The following HSD17B4 variants were observed in gnomAD, a reference collection of about 807,000 sequenced individuals.
HSD17B4 encodes the protein hydroxysteroid 17-beta dehydrogenase 4, also known as peroxisomal multifunctional enzyme type 2.
Under a neutral mutation model 101.0 loss-of-function variants are expected in HSD17B4, and 70 were observed. The observed-to-expected ratio is 0.69, with a 90% confidence interval of 0.57 to 0.85. The LOEUF (loss-of-function observed/expected upper bound fraction) is 0.85, where lower values mean the gene tolerates loss of function less well. Among genes scored for constraint, HSD17B4 ranks in the 40% least tolerant of loss-of-function variants. The pLI, the probability that HSD17B4 is intolerant of heterozygous loss-of-function variation, is 0.00. For missense variants in HSD17B4, 984 were observed against 892.4 expected, an observed-to-expected ratio of 1.10 and a Z score of -1.31; for synonymous variants, 347 against 297.1, an observed-to-expected ratio of 1.17 and a Z score of -1.73.
chr5:119,482,008 A>G (rs1749185474), intron 8 of HSD17B4, among the ~76,000 whole-genome samples: 1 of 151,828 alleles, frequency 6.6e-6, no homozygotes, highest in African/African-American at 2.4e-5. Flanking sequence ...TTTGATATTT[A>G]TGCTGCCTGG....
intron 17 of HSD17B4, among the ~76,000 whole-genome samples, chr5:119,515,446 G>A (rs1029777101): frequency 2.0e-5 from 3 of 152,232 alleles, no homozygotes; most frequent in South Asian, 2.1e-4. Flanking sequence ...GGGAAAGAAA[G>A]CAATGCCACA....
chr5:119,510,280 A>T (rs1752052384), intron 16 of HSD17B4, among the ~76,000 whole-genome samples: 1 of 152,352 alleles, frequency 6.6e-6, no homozygotes, highest in African/African-American at 2.4e-5. Context: ...AGAAAAATTG[A>T]ACACAAGTGA....
intron 8 of HSD17B4, among the ~76,000 whole-genome samples, chr5:119,485,501 A>G (rs1429258580): frequency 2.0e-5 from 3 of 152,106 alleles, no homozygotes; most frequent in Non-Finnish European, 4.4e-5. Flanking sequence ...TTTTGGGACT[A>G]TTATTTCTAG....
intron 2 of HSD17B4, among the ~76,000 whole-genome samples, chr5:119,459,074 G>A (rs1471161935): frequency 2.0e-5 from 3 of 152,180 alleles, no homozygotes; most frequent in East Asian, 1.9e-4. Context: ...TGACTTTTCC[G>A]TGCTACAGTT....
intron 2 of HSD17B4, among the ~76,000 whole-genome samples, chr5:119,466,710 G>A (rs1418354470): frequency 2.0e-5 from 3 of 151,742 alleles, no homozygotes; most frequent in Admixed American, 6.6e-5. Flanking sequence ...TGAATTGTCA[G>A]TTTTGTTTAT....
intron 2 of HSD17B4, among the ~76,000 whole-genome samples, chr5:119,469,229 C>G (rs927589590): frequency 2.0e-5 from 3 of 149,168 alleles, no homozygotes; most frequent in African/African-American, 7.4e-5. Flanking sequence ...CGTAGATTTT[C>G]TTCTATTTAG....
At chr5:119,453,576 C>G (rs982716593) in intron 1 of HSD17B4, among the ~76,000 whole-genome samples, 1 of 152,166 alleles carries the variant, frequency 6.6e-6, no homozygotes, top group Non-Finnish European at 1.5e-5. Flanking sequence ...TACCTTATAC[C>G]TGGAAAGGCC....
intron 16 of HSD17B4, chr5:119,509,453 G>A (rs775208778): frequency 2.9e-6 from 2 of 683,758 alleles, no homozygotes; most frequent in Non-Finnish European, 5.3e-6. Context: ...AGGATGATGA[G>A]GATGAAGACC....
At chr5:119,475,037 A>G (rs555842294) in intron 4 of HSD17B4, among the ~76,000 whole-genome samples, 1 of 152,246 alleles carries the variant, frequency 6.6e-6, no homozygotes, top group Non-Finnish European at 1.5e-5. Flanking sequence ...TTACAATCTG[A>G]AAAACATTAC....
chr5:119,459,312 CA>C (rs1754980011), intron 2 of HSD17B4, among the ~76,000 whole-genome samples: 1 of 152,052 alleles, frequency 6.6e-6, no homozygotes, highest in Non-Finnish European at 1.5e-5. Context: ...GGGTAAATGA[CA>C]AAAAATTAAA....
chr5:119,492,476 G>C (rs1750200145), intron 10 of HSD17B4: 1 of 234,660 alleles, frequency 4.3e-6, no homozygotes, highest in African/African-American at 2.2e-5. Context: ...AGAGAAGTGA[G>C]TGGGAGGGAG....
At chr5:119,462,457 A>G (rs1755358572) in intron 2 of HSD17B4, among the ~76,000 whole-genome samples, 1 of 151,916 alleles carries the variant, frequency 6.6e-6, no homozygotes, top group Non-Finnish European at 1.5e-5. Context: ...CTGTGAAAGT[A>G]GGAACAATTG....
At chr5:119,521,096 C>T (rs1580684989) in intron 17 of HSD17B4, among the ~76,000 whole-genome samples, 2 of 152,322 alleles carry the variant, frequency 1.3e-5, no homozygotes, top group Non-Finnish European at 1.5e-5. Flanking sequence ...TTCCCAAGAA[C>T]GGCTCCTGTG....
At chr5:119,518,611 G>T (rs1752853261) in intron 17 of HSD17B4, among the ~76,000 whole-genome samples, 1 of 152,164 alleles carries the variant, frequency 6.6e-6, no homozygotes. Context: ...AAGAATTAGA[G>T]CATTCACATT....
rs753487731 is a variant in HSD17B4 at position 119,452,535 on chromosome 5, GGCTCTGCTT to G, written c.-39_-31del. On this transcript the variant is annotated 5_prime_UTR_variant, in exon 1 of 24. Transcript: ENST00000510025. ...TCCTGTCCCGCAGTCGGCGTCCAGC[GGCTCTGCTT>G]GTTCGTGTGTGTGTCGTTGCAGGCC... The G allele has an allele frequency of 6.2e-7, 1 of 1,613,476 alleles. No homozygotes were observed. The highest frequency in any genetic ancestry group is 8.5e-7 in the Non-Finnish European group (1 of 1,179,998).
At chr5:119,507,783 C>CTAA (rs1751796064) in intron 15 of HSD17B4, among the ~76,000 whole-genome samples, 2 of 116,838 alleles carry the variant, frequency 1.7e-5, no homozygotes, top group African/African-American at 2.9e-5. Context: ...GACTCTGTAC[C>CTAA]AAAAAAAAAA....
intron 23 of HSD17B4, among the ~76,000 whole-genome samples, chr5:119,539,052 A>G (rs1370705364): frequency 6.6e-6 from 1 of 152,174 alleles, no homozygotes; most frequent in Non-Finnish European, 1.5e-5. Context: ...TTTAGGCTGT[A>G]TAGAAATTAG....
At chr5:119,459,545 A>T (rs1456457907) in intron 2 of HSD17B4, among the ~76,000 whole-genome samples, 1 of 152,232 alleles carries the variant, frequency 6.6e-6, no homozygotes, top group Non-Finnish European at 1.5e-5. Flanking sequence ...AGAACACTTA[A>T]AACCGGGTAA....
At chr5:119,474,291 C>A in intron 3 of HSD17B4, 110 bp from the exon 4 acceptor site, 1 of 789,500 alleles carries the variant, frequency 1.3e-6, no homozygotes, top group Non-Finnish European at 2.3e-6. Flanking sequence ...ATATGTTCTT[C>A]TGAGTTCTGT....
Sources: gnomAD v4.1 joint callset for allele counts (sites outside exome capture counted in the v4.1 genomes callset) on GRCh38, gnomAD v4.1.1 for gene constraint, MANE v1.5 for transcripts, NCBI Gene and HGNC (gene_info 2026-07-23, HGNC 2026-07-21) for gene names.